Variants in L3MBTL2 observed in about 807,000 individuals in gnomAD.
The protein encoded by L3MBTL2 is L3MBTL histone methyl-lysine binding protein 2.
L3MBTL2 carries 49 observed loss-of-function variants against 86.4 expected under a neutral mutation model. The ratio of observed to expected loss-of-function variants is 0.57; its 90% CI spans 0.45 to 0.72. The LOEUF is 0.72. Ranked by LOEUF, L3MBTL2 falls within the 30% of genes least tolerant of loss-of-function variation. L3MBTL2 has a pLI of 0.00. For synonymous variants in L3MBTL2, 336 were observed against 350.6 expected (o/e 0.96, Z 0.47); for missense variants, 755 against 923.7 (o/e 0.82, Z 2.37).
chr22:41,208,289 C>T (rs573992821), intron 1 of L3MBTL2: 1 of 443,010 alleles, frequency 2.3e-6, no homozygotes, highest in Non-Finnish European at 4.5e-6. Flanking sequence ...GCCACCACAC[C>T]TGGCTAATTT....
rs773788327 is a variant in L3MBTL2 at position 41,229,582 on chromosome 22, G to A, written c.1931G>A (p.Gly644Glu). Reference protein sequence around the residue: ...PPTKTRPLRQGSKKPLLEDDP... With the variant: ...PPTKTRPLRQESKKPLLEDDP... Reference sequence around the variant, plus strand: ...ACTAAGACGCGACCCCTCAGACAGGGGTCCAAGAAGCCCCTGCTGGAGGAC... The same window carrying A: ...ACTAAGACGCGACCCCTCAGACAGGAGTCCAAGAAGCCCCTGCTGGAGGAC... The change falls in exon 16 of 17, where the codon GGG becomes GAG. Residue 644 changes from glycine (G) to glutamate (E), a missense_variant. Coordinates refer to ENST00000216237, the MANE Select transcript of L3MBTL2 (RefSeq NM_031488.5). The A allele has an allele frequency of 6.8e-6, 11 of 1,613,396 alleles. No individual in the cohort carries two copies. The highest frequency in any genetic ancestry group is 8.5e-6 in the Non-Finnish European group (10 of 1,179,560).
chr22:41,226,839 G>T, intron 13 of L3MBTL2, 95 bp downstream of exon 13: 1 of 964,880 alleles, frequency 1.0e-6, no homozygotes, highest in Non-Finnish European at 1.6e-6. Context: ...TCTTTCTCTC[G>T]AATCTCTACT....
intron 5 of L3MBTL2, 184 bp downstream of exon 5, chr22:41,217,386 C>A: frequency 1.7e-6 from 1 of 585,006 alleles, no homozygotes; most frequent in South Asian, 2.0e-5. Flanking sequence ...ACAAACACTT[C>A]TATCACCTGC....
In L3MBTL2 at chr22:41,227,461, C is replaced by A; in HGVS notation, c.1822+138C>A. The A allele has an allele frequency of 8.4e-7, 1 of 1,184,670 alleles. No homozygotes were observed. The highest frequency in any genetic ancestry group is 1.2e-6 in the Non-Finnish European group (1 of 816,630). 73.4% of individuals were successfully genotyped at this position (1,184,670 alleles called of 1,614,324 possible). ...TGGACCACTTTAAGTAGAGAGTGAG[C>A]CCCGTCACCCAGCCCCTGCTCCTGA... On this transcript the variant is annotated intron_variant, in intron 14 of 16. Transcript: ENST00000216237. The surrounding 1 kb of genome is among the most constrained non-coding windows in gnomAD (Gnocchi z 6.0).
intron 1 of L3MBTL2, among the ~76,000 whole-genome samples, chr22:41,206,656 G>A (rs1274207417): frequency 6.6e-6 from 1 of 151,992 alleles, no homozygotes; most frequent in African/African-American, 2.4e-5. Flanking sequence ...AAAATTAGCC[G>A]GGCGTGGTGG....
intron 2 of L3MBTL2, among the ~76,000 whole-genome samples, chr22:41,210,664 A>G (rs548622780): frequency 2.0e-5 from 3 of 151,928 alleles, no homozygotes; most frequent in East Asian, 1.9e-4. Context: ...GGGTTTCACC[A>G]TGTCGGCCAG....
intron 3 of L3MBTL2, chr22:41,214,618 AG>A (rs2031185978): frequency 6.6e-6 from 1 of 152,202 alleles, no homozygotes; most frequent in Non-Finnish European, 1.5e-5. Flanking sequence ...ACCTCATCTC[AG>A]GGGCCTCATC....
intron 5 of L3MBTL2, 92 bp from the exon 6 acceptor site, chr22:41,219,327 C>T: frequency 1.1e-6 from 1 of 897,462 alleles, no homozygotes. Context: ...AGTTGAGGTG[C>T]AAACGAGGAC....
Position 41,230,385 on chromosome 22 carries a change from C to T in L3MBTL2, c.*134C>T. The T allele has an allele frequency of 1.4e-6, 1 of 695,906 alleles. No individual in the cohort carries two copies. The highest frequency in any genetic ancestry group is 2.7e-5 in the East Asian group (1 of 37,010). 43.1% of individuals were successfully genotyped at this position (695,906 alleles called of 1,614,324 possible). ...TAAATTCTGCCCGGTGCTGTGAAGGCTGGACGGTGGAGGACCTGCTGGGGT... is the reference window on the plus strand; with the variant it reads ...TAAATTCTGCCCGGTGCTGTGAAGGTTGGACGGTGGAGGACCTGCTGGGGT... On this transcript the variant is annotated 3_prime_UTR_variant, in exon 17 of 17. Coordinates refer to ENST00000216237, the MANE Select transcript of L3MBTL2 (RefSeq NM_031488.5).
At position 41,225,089 on chromosome 22, in the gene L3MBTL2, T is replaced by G; in HGVS notation, c.1356+18T>G. 6.3e-7 allele frequency: 1 copy of G among 1,598,198 alleles called. No individual in the cohort carries two copies. Among genetic ancestry groups the G allele is most frequent in the Non-Finnish European group, 8.6e-7 (1 of 1,168,614 alleles). On this transcript the variant is annotated intron_variant, in intron 11 of 16. Transcript: ENST00000216237. This position sits in a 1 kb window ranked among gnomAD's most constrained non-coding sequence, Gnocchi z 4.1. The stretch of plus-strand genomic sequence containing the variant: ...TCTGTAAGGTGAGCCAGGGGCCGGC[T>G]CTCCAGCCTCCAGATTTCTGAGCGG...
intron 8 of L3MBTL2, among the ~76,000 whole-genome samples, chr22:41,222,711 G>A (rs762819481): frequency 1.3e-5 from 2 of 152,148 alleles, no homozygotes; most frequent in Non-Finnish European, 2.9e-5. Context: ...CCTGAGGGCA[G>A]GAGTTCCAGA....
At position 41,230,323 on chromosome 22, in the gene L3MBTL2, C is replaced by T. The variant is rs12484433; in HGVS notation, c.*72C>T. 1.8e-6 allele frequency: 2 copies of T among 1,121,548 alleles called. No homozygotes were observed. The highest frequency in any genetic ancestry group is 1.9e-4 in the Middle Eastern group (1 of 5,156). The allele number at this position is 1,121,548 out of a possible 1,614,324, so 69.5% of individuals were successfully genotyped here. ...TTTCTCTACCACCACCACCATGCCT[C>T]CACCTGACTTTGGCTTGGAGACTGA... On this transcript the variant is annotated 3_prime_UTR_variant, in exon 17 of 17. Transcript: ENST00000216237.
rs770746320 is a variant in L3MBTL2 at position 41,227,855 on chromosome 22, A to G, written c.1874A>G (p.Gln625Arg). The G allele has an allele frequency of 6.2e-7, 1 of 1,612,476 alleles. No homozygotes were observed. Among genetic ancestry groups the G allele is most frequent in the South Asian group, 1.1e-5 (1 of 91,000 alleles). The change falls in exon 15 of 17, where the codon CAG becomes CGG. Residue 625 changes from glutamine (Q) to arginine (R), a missense_variant. Coordinates refer to ENST00000216237, the MANE Select transcript of L3MBTL2 (RefSeq NM_031488.5). The surrounding 1 kb of genome is among the most constrained non-coding windows in gnomAD (Gnocchi z 6.0). ...AKEATKKKKKQFGKKRKRIPP... is the reference protein window; with the variant it reads ...AKEATKKKKKRFGKKRKRIPP... ...GAGGCCACAAAGAAGAAAAAGAAAC[A>G]GTTTGGGAAGAAAAGTAAGTGCTGC...
chr22:41,227,785 C>T lies in L3MBTL2; in HGVS notation c.1823-19C>T, dbSNP rs901310052. The T allele has an allele frequency of 6.2e-7, 1 of 1,613,702 alleles. No individual in the cohort carries two copies. The highest frequency in any genetic ancestry group is 8.5e-7 in the Non-Finnish European group (1 of 1,179,818). On this transcript the variant is annotated intron_variant, in intron 14 of 16. Transcript: ENST00000216237. The surrounding 1 kb of genome is among the most constrained non-coding windows in gnomAD (Gnocchi z 6.0). ...GGGACCCTCTTCTCATCTCTTTCACCCTTGTCTTTCAACAACAGAACCGGC... is the reference window on the plus strand; with the variant it reads ...GGGACCCTCTTCTCATCTCTTTCACTCTTGTCTTTCAACAACAGAACCGGC...
Position 41,227,708 on chromosome 22 carries a change from T to C in L3MBTL2, c.1823-96T>C. 2 of 1,600,566 alleles carry C rather than the reference T, an allele frequency of 1.2e-6. No individual in the cohort carries two copies. The highest frequency in any genetic ancestry group is 2.2e-5 in the South Asian group (2 of 89,512). ...TGGCTTCCTGTCTTGGGGTGTCTCGTGTGGGAGGGTGGATGGGGTCTCGGG... is the reference window on the plus strand; with the variant it reads ...TGGCTTCCTGTCTTGGGGTGTCTCGCGTGGGAGGGTGGATGGGGTCTCGGG... On this transcript the variant is annotated intron_variant, in intron 14 of 16. Transcript: ENST00000216237. The surrounding 1 kb of genome is among the most constrained non-coding windows in gnomAD (Gnocchi z 6.0).
Position 41,230,391 on chromosome 22 carries a change from G to A in L3MBTL2, c.*140G>A, listed in dbSNP as rs918291848. 48 of 670,872 alleles carry A rather than the reference G, an allele frequency of 7.2e-5. 1 individual carries two copies. In the Admixed American group the frequency reaches 8.5e-4, roughly 12 times the overall value. 41.6% of individuals were successfully genotyped at this position (670,872 alleles called of 1,614,324 possible). The stretch of plus-strand genomic sequence containing the variant: ...CTGCCCGGTGCTGTGAAGGCTGGAC[G>A]GTGGAGGACCTGCTGGGGTCTCCTG... On this transcript the variant is annotated 3_prime_UTR_variant, in exon 17 of 17. Transcript: ENST00000216237.
chr22:41,225,829 C>T lies in L3MBTL2; in HGVS notation c.1392C>T (p.Asp464=), dbSNP rs138256505. 223 of 1,613,972 alleles carry T rather than the reference C, an allele frequency of 1.4e-4. No individual in the cohort carries two copies. The African/African-American group carries it at 2.6e-3, about 19-fold the overall frequency. The change falls in exon 12 of 17, where the codon GAC becomes GAT. Residue 464 remains aspartate (D), a synonymous_variant. Coordinates refer to ENST00000216237, the MANE Select transcript of L3MBTL2 (RefSeq NM_031488.5). The surrounding 1 kb of genome is among the most constrained non-coding windows in gnomAD (Gnocchi z 4.1). ...LLDGYLMICV[D]GGPSTDGLDW... ...ATGGATACCTGATGATCTGTGTGGA[C>T]GGGGGGCCCTCCACAGATGGCTTGG...
chr22:41,208,744 A>G (rs180984361), intron 1 of L3MBTL2, among the ~76,000 whole-genome samples: 1 of 152,102 alleles, frequency 6.6e-6, no homozygotes, highest in African/African-American at 2.4e-5. Flanking sequence ...AACGGGGAAG[A>G]ATTTTTGTTT....
chr22:41,216,386 G>A, intron 4 of L3MBTL2, 124 bp downstream of exon 4: 1 of 1,171,178 alleles, frequency 8.5e-7, no homozygotes, highest in Non-Finnish European at 1.2e-6. Flanking sequence ...CCTAAGTCAG[G>A]GTCACTGCGG....
Sources: allele counts gnomAD v4.1 joint callset (sites outside exome capture counted in the v4.1 genomes callset), GRCh38; gene constraint gnomAD v4.1.1; non-coding constraint Gnocchi (gnomAD v3.1); transcripts MANE v1.5; gene names NCBI Gene and HGNC (gene_info 2026-07-23, HGNC 2026-07-21).